WIPF1: variants seen among roughly 807,000 people sequenced by gnomAD.
The protein encoded by WIPF1 is WAS/WASL interacting protein family member 1.
In WIPF1, 13 loss-of-function variants were observed where a neutral mutation model predicts 35.4. That is an observed-to-expected ratio of 0.37 (90% CI 0.24 to 0.58). The LOEUF (loss-of-function observed/expected upper bound fraction) is 0.58. WIPF1 is among the 20% of genes least tolerant of loss of function. The probability of loss-of-function intolerance (pLI) is 0.74; values close to 1 mark genes in which losing one functional copy is unlikely to be tolerated. For missense variants in WIPF1, 591 were observed against 667.0 expected (o/e 0.89, Z 1.25); for synonymous variants, 267 against 266.3 (o/e 1.00, Z -0.02).
At chr2:174,576,815 C>T (rs1685079153) in intron 3 of WIPF1, among the ~76,000 whole-genome samples, 1 of 152,088 alleles carries the variant, frequency 6.6e-6, no homozygotes. Flanking sequence ...TGCTTATACC[C>T]TCTTTAAAAA....
chr2:174,591,278 G>A (rs980695918), intron 1 of WIPF1, among the ~76,000 whole-genome samples: 7 of 152,324 alleles, frequency 4.6e-5, no homozygotes, highest in East Asian at 1.9e-4. Context: ...TACCCAGGCT[G>A]TGGTATTTTA....
intron 1 of WIPF1, among the ~76,000 whole-genome samples, chr2:174,661,794 G>T (rs1236696988): frequency 6.6e-6 from 1 of 152,196 alleles, no homozygotes; most frequent in Admixed American, 6.5e-5. Flanking sequence ...ACAGGTTGCA[G>T]AGGAGTGAAG....
chr2:174,662,362 A>G (rs188386900), intron 1 of WIPF1, among the ~76,000 whole-genome samples: 1 of 152,256 alleles, frequency 6.6e-6, no homozygotes, highest in African/African-American at 2.4e-5. Flanking sequence ...ACTGTTCCCC[A>G]TACATCGGTG....
In WIPF1 at chr2:174,571,730, G is replaced by C; in HGVS notation, c.1075C>G (p.Pro359Ala). 3.7e-6 allele frequency: 6 copies of C among 1,614,206 alleles called. No individual in the cohort carries two copies. The highest frequency in any genetic ancestry group is 5.1e-6 in the Non-Finnish European group (6 of 1,180,038). ...GGTGGGGGTCTCTCACTGGGCGGGG[G>C]AGGAAGAGGACCTGAACGTCCTGGC... ...PSPGRSGPLP[P>A]PPSERPPPPV... Residue 359 changes from proline (P) to alanine (A), a missense_variant, in exon 5 of 8, where the codon CCC becomes GCC. Physicochemically the swap from Pro to Ala is conservative, Grantham distance 27 (BLOSUM62 -1). Coordinates refer to ENST00000679041, the MANE Select transcript of WIPF1 (RefSeq NM_001375834.1). The surrounding 1 kb of genome is among the most constrained non-coding windows in gnomAD (Gnocchi z 4.6).
intron 1 of WIPF1, among the ~76,000 whole-genome samples, chr2:174,588,930 C>A (rs1246148797): frequency 1.3e-5 from 2 of 152,216 alleles, no homozygotes; most frequent in South Asian, 2.1e-4. Context: ...CCATCTCTCA[C>A]TCCCCTCCAG....
chr2:174,584,903 C>CAA (rs34445660), intron 2 of WIPF1, among the ~76,000 whole-genome samples: 422 of 132,362 alleles, frequency 3.2e-3, no homozygotes, highest in Non-Finnish European at 5.0e-3. Flanking sequence ...GAGCGAGACT[C>CAA]AAAAAAAAAA....
chr2:174,629,368 CCT>C (rs1404264454), intron 1 of WIPF1, among the ~76,000 whole-genome samples: 1 of 152,134 alleles, frequency 6.6e-6, no homozygotes, highest in Non-Finnish European at 1.5e-5. Flanking sequence ...CCTTGACTTT[CCT>C]CTGTTTTGCA....
intron 1 of WIPF1, among the ~76,000 whole-genome samples, chr2:174,661,571 G>A (rs1424156061): frequency 2.0e-5 from 3 of 152,144 alleles, no homozygotes; most frequent in Non-Finnish European, 4.4e-5. Flanking sequence ...CATGTCTCGA[G>A]CGTATCCCTA....
rs1464211839 is a variant in WIPF1 at position 174,628,941 on chromosome 2, T to G, written c.-38-43330A>C. Among the ~76,000 whole-genome samples the G allele has an allele frequency of 2.0e-5, 3 of 152,238 alleles. No individual in the cohort carries two copies. In the East Asian group the frequency reaches 5.8e-4, roughly 29 times the overall value. On this transcript the variant is annotated intron_variant, in intron 1 of 8. Transcript: ENST00000272746. The stretch of plus-strand genomic sequence containing the variant: ...GATGACAACAGCATCTTTCCTAAAC[T>G]TTTCCTGAGGCCAGATGTTCCTGGC...
chr2:174,662,338 G>T (rs1206296493), intron 1 of WIPF1, among the ~76,000 whole-genome samples: 1 of 152,192 alleles, frequency 6.6e-6, no homozygotes, highest in Non-Finnish European at 1.5e-5. Flanking sequence ...CTGGACTGCG[G>T]ATGTAGAGGG....
intron 1 of WIPF1, among the ~76,000 whole-genome samples, chr2:174,638,017 ATCAG>A (rs1276256732): frequency 4.6e-5 from 7 of 152,240 alleles, no homozygotes; most frequent in African/African-American, 1.7e-4. Flanking sequence ...GAGGAAATAG[ATCAG>A]TCAATTACTT....
chr2:174,635,060 G>A (rs1415292874), intron 1 of WIPF1, among the ~76,000 whole-genome samples: 3 of 152,128 alleles, frequency 2.0e-5, no homozygotes, highest in Non-Finnish European at 4.4e-5. Flanking sequence ...CAACATCAAG[G>A]GAACACACTC....
intron 1 of WIPF1, among the ~76,000 whole-genome samples, chr2:174,649,422 C>G (rs1687485896): frequency 6.6e-6 from 1 of 152,146 alleles, no homozygotes; most frequent in Non-Finnish European, 1.5e-5. Flanking sequence ...AGTCAGCTCT[C>G]CCCTATCTGG....
At chr2:174,656,370 A>C (rs1373595897) in intron 1 of WIPF1, 4 of 152,224 alleles carry the variant, frequency 2.6e-5, no homozygotes, top group Non-Finnish European at 5.9e-5. Context: ...GGGAATGAAG[A>C]ATTACTTCAC....
At chr2:174,624,798 T>G (rs1686778666) in intron 1 of WIPF1, among the ~76,000 whole-genome samples, 1 of 152,094 alleles carries the variant, frequency 6.6e-6, no homozygotes, top group Non-Finnish European at 1.5e-5. Flanking sequence ...TTTAGGCATC[T>G]CATTATTTTA....
Position 174,571,803 on chromosome 2 carries a change from G to A in WIPF1, c.1002C>T (p.Leu334=), listed in dbSNP as rs925390132. 6.2e-7 allele frequency: 1 copy of A among 1,614,138 alleles called. No individual in the cohort carries two copies. The highest frequency in any genetic ancestry group is 8.5e-7 in the Non-Finnish European group (1 of 1,180,048). ...AACTGAGGGACAGATTCCGCTGTGG[G>A]AGTCTTGGGGTTTCGTCATTGCCGC... ...SSSGNDETPR[L]PQRNLSLSSS... Residue 334 remains leucine (L), a synonymous_variant, in exon 5 of 8, where the codon CTC becomes CTT. Coordinates refer to ENST00000679041, the MANE Select transcript of WIPF1 (RefSeq NM_001375834.1). The surrounding 1 kb of genome is among the most constrained non-coding windows in gnomAD (Gnocchi z 4.6).
intron 1 of WIPF1, among the ~76,000 whole-genome samples, chr2:174,642,377 C>T (rs1467339431): frequency 8.5e-6 from 1 of 116,980 alleles, no homozygotes; most frequent in Non-Finnish European, 1.6e-5. Flanking sequence ...GACAGAGTCT[C>T]ACTCTGTCGC....
chr2:174,598,678 A>G (rs1685900656), upstream of WIPF1, among the ~76,000 whole-genome samples: 1 of 152,138 alleles, frequency 6.6e-6, no homozygotes, highest in African/African-American at 2.4e-5. Flanking sequence ...TATACAGCTT[A>G]AGTCAGCTGC....
At chr2:174,582,143 G>A (rs2105832866) in intron 2 of WIPF1, among the ~76,000 whole-genome samples, 1 of 152,300 alleles carries the variant, frequency 6.6e-6, no homozygotes. Flanking sequence ...GGCATGAGGT[G>A]TTTCTGATGT....
Sources: allele counts gnomAD v4.1 joint callset (sites outside exome capture counted in the v4.1 genomes callset), GRCh38; gene constraint gnomAD v4.1.1; non-coding constraint Gnocchi (gnomAD v3.1); transcripts MANE v1.5; gene names NCBI Gene and HGNC (gene_info 2026-07-23, HGNC 2026-07-21).